DHRSX: variants seen among roughly 807,000 people sequenced by gnomAD.
DHRSX encodes polyprenol dehydrogenase.
Under a neutral mutation model 34.0 loss-of-function variants are expected in DHRSX, and 31 were observed. The ratio of observed to expected loss-of-function variants is 0.91; its 90% CI spans 0.69 to 1.23. The LOEUF (loss-of-function observed/expected upper bound fraction) is 1.23, where lower values mean the gene tolerates loss of function less well. Among genes scored for constraint, DHRSX ranks in the 50% most tolerant of loss-of-function variants. The pLI, the probability that DHRSX is intolerant of heterozygous loss-of-function variation, is 0.00. For synonymous variants in DHRSX, 201 were observed against 183.8 expected (o/e 1.09, Z -0.76); for missense variants, 414 against 428.1 (o/e 0.97, Z 0.29).
At chrX:2,345,869 A>G (rs1380642466) in intron 3 of DHRSX, among the ~76,000 whole-genome samples, 1 of 152,122 alleles carries the variant, frequency 6.6e-6, no homozygotes, top group East Asian at 1.9e-4. Flanking sequence ...GGTCTACCCC[A>G]TACATCTTGA....
intron 3 of DHRSX, chrX:2,336,432 G>C (rs2042564743): frequency 6.6e-6 from 1 of 152,124 alleles, no homozygotes; most frequent in African/African-American, 2.4e-5. Flanking sequence ...TAGCAACAAG[G>C]TTAACTGCCT....
chrX:2,412,831 A>G (rs2043648618), intron 2 of DHRSX, among the ~76,000 whole-genome samples: 1 of 152,200 alleles, frequency 6.6e-6, no homozygotes, highest in African/African-American at 2.4e-5. Context: ...AATAAGCCAC[A>G]TAAAACCAAA....
At chrX:2,350,093 C>T (rs1299573012) in intron 3 of DHRSX, among the ~76,000 whole-genome samples, 1 of 151,074 alleles carries the variant, frequency 6.6e-6, no homozygotes, top group East Asian at 2.0e-4. Context: ...CGCCTGGTAT[C>T]CCAGCACTTT....
intron 6 of DHRSX, among the ~76,000 whole-genome samples, chrX:2,240,739 C>A (rs1032227829): frequency 1.3e-5 from 2 of 152,040 alleles, no homozygotes; most frequent in African/African-American, 2.4e-5. Flanking sequence ...GCTAATTAGA[C>A]GATTCTGCAA....
At chrX:2,291,709 C>CTT in intron 3 of DHRSX, 106 bp from the exon 4 acceptor site, 11 of 431,754 alleles carry the variant, frequency 2.5e-5, no homozygotes, top group East Asian at 4.7e-5. Flanking sequence ...GGAAGTAACA[C>CTT]TTTTTTTTTT....
At chrX:2,355,223 A>G (rs1324762953) in intron 3 of DHRSX, among the ~76,000 whole-genome samples, 3 of 152,128 alleles carry the variant, frequency 2.0e-5, no homozygotes, top group Non-Finnish European at 2.9e-5. Context: ...GAGTCAAAAT[A>G]TTATCAGGCC....
At chrX:2,231,712 CTTTT>C (rs369016684) in intron 6 of DHRSX, among the ~76,000 whole-genome samples, 3 of 149,096 alleles carry the variant, frequency 2.0e-5, no homozygotes, top group African/African-American at 7.5e-5. Context: ...CTCTATTCCT[CTTTT>C]TTTCTCCTCC....
intron 1 of DHRSX, among the ~76,000 whole-genome samples, chrX:2,471,379 C>CAAT (rs1216663192): frequency 6.6e-6 from 1 of 152,082 alleles, no homozygotes; most frequent in East Asian, 1.9e-4. Flanking sequence ...GCAGCCTGAA[C>CAAT]AATAGGCTGA....
At chrX:2,497,121 G>A (rs966145960) in intron 1 of DHRSX, among the ~76,000 whole-genome samples, 4 of 152,088 alleles carry the variant, frequency 2.6e-5, no homozygotes, top group African/African-American at 9.7e-5. Context: ...GGAGGCCGGG[G>A]GCAGGGGCTC....
chrX:2,499,633 G>A lies in DHRSX; in HGVS notation c.109+1184C>T, dbSNP rs766704044. ...AAAAAATTTAAAACATTAGCCAGGCGTGGTGGCTCACGCCTGTAAACCCAG... is the reference window on the plus strand; with the variant it reads ...AAAAAATTTAAAACATTAGCCAGGCATGGTGGCTCACGCCTGTAAACCCAG... On this transcript the variant is annotated intron_variant, in intron 1 of 6. Coordinates refer to ENST00000334651, the MANE Select transcript of DHRSX (RefSeq NM_145177.3). 9.2e-5 allele frequency among the ~76,000 whole-genome samples: 14 copies of A among 152,120 alleles called. No individual in the cohort carries two copies. In the South Asian group the frequency reaches 2.5e-3, roughly 27 times the overall value.
chrX:2,333,704 C>T (rs760025465), intron 3 of DHRSX, among the ~76,000 whole-genome samples: 10 of 152,214 alleles, frequency 6.6e-5, no homozygotes, highest in South Asian at 4.1e-4. Context: ...TGAGCCACTG[C>T]GCCCGGCCAA....
intron 3 of DHRSX, among the ~76,000 whole-genome samples, chrX:2,311,139 G>C (rs1054133787): frequency 6.6e-6 from 1 of 151,692 alleles, no homozygotes; most frequent in Admixed American, 6.6e-5. Flanking sequence ...GAGACAGAGA[G>C]AGAGAAAGAG....
At chrX:2,288,851 A>T (rs1273734313) in intron 4 of DHRSX, among the ~76,000 whole-genome samples, 2 of 152,176 alleles carry the variant, frequency 1.3e-5, no homozygotes, top group Non-Finnish European at 2.9e-5. Flanking sequence ...TTTCCAGAAT[A>T]TTTTTGTTTG....
chrX:2,261,044 T>C (rs1042673888), intron 5 of DHRSX, among the ~76,000 whole-genome samples: 1 of 151,790 alleles, frequency 6.6e-6, no homozygotes, highest in African/African-American at 2.4e-5. Flanking sequence ...GCCCTGTTTC[T>C]ACTAAAAATA....
intron 3 of DHRSX, among the ~76,000 whole-genome samples, chrX:2,308,381 G>C (rs1366542831): frequency 2.7e-5 from 4 of 149,536 alleles, no homozygotes; most frequent in Non-Finnish European, 5.9e-5. Flanking sequence ...TAAAACAACT[G>C]TTCGACAATT....
chrX:2,391,723 C>T (rs1423132563), intron 3 of DHRSX, among the ~76,000 whole-genome samples: 4 of 152,016 alleles, frequency 2.6e-5, no homozygotes, highest in African/African-American at 9.7e-5. Flanking sequence ...GTCAGGAGTT[C>T]GAGACCAGCC....
intron 3 of DHRSX, among the ~76,000 whole-genome samples, chrX:2,346,581 T>C (rs2042715379): frequency 6.6e-6 from 1 of 151,892 alleles, no homozygotes; most frequent in African/African-American, 2.4e-5. Flanking sequence ...CTAAGTAAAC[T>C]ACAAGGTGAC....
chrX:2,253,527 A>G (rs2016491857), intron 5 of DHRSX, among the ~76,000 whole-genome samples: 1 of 152,016 alleles, frequency 6.6e-6, no homozygotes, highest in South Asian at 2.1e-4. Flanking sequence ...CATGGCCGTG[A>G]GCCAATCAGC....
At chrX:2,333,489 A>C (rs1602960726) in intron 3 of DHRSX, among the ~76,000 whole-genome samples, 1 of 152,176 alleles carries the variant, frequency 6.6e-6, no homozygotes, top group Non-Finnish European at 1.5e-5. Flanking sequence ...ATCCCGGCTC[A>C]CTGCAACCTC....
Sources: allele counts gnomAD v4.1 joint callset (sites outside exome capture counted in the v4.1 genomes callset), GRCh38; gene constraint gnomAD v4.1.1; transcripts MANE v1.5; gene names NCBI Gene and HGNC (gene_info 2026-07-23, HGNC 2026-07-21).